NKAIN3: variants seen among roughly 807,000 people sequenced by gnomAD.
NKAIN3 encodes sodium/potassium-transporting ATPase subunit beta-1-interacting protein 3.
Under a neutral mutation model 30.2 loss-of-function variants are expected in NKAIN3, and 25 were observed. The observed-to-expected ratio is 0.83, with a 90% confidence interval of 0.60 to 1.16. The LOEUF (loss-of-function observed/expected upper bound fraction) is 1.16, where lower values mean the gene tolerates loss of function less well. Among genes scored for constraint, NKAIN3 ranks in the 50% most tolerant of loss-of-function variants. NKAIN3 has a pLI of 0.00. For missense variants in NKAIN3, 225 were observed against 254.1 expected, an observed-to-expected ratio of 0.89 and a Z score of 0.78; for synonymous variants, 91 against 89.6, an observed-to-expected ratio of 1.02 and a Z score of -0.09.
chr8:62,375,281 C>T (rs1817038241), intron 1 of NKAIN3, among the ~76,000 whole-genome samples: 1 of 152,150 alleles, frequency 6.6e-6, no homozygotes, highest in South Asian at 2.1e-4. Context: ...ATATAAGGTC[C>T]ATGAATCCTA....
intron 1 of NKAIN3, among the ~76,000 whole-genome samples, chr8:62,572,989 TGGGAGTATA>T (rs1304043065): frequency 6.6e-6 from 1 of 152,186 alleles, no homozygotes; most frequent in Non-Finnish European, 1.5e-5. Context: ...CTTGCGTTAC[TGGGAGTATA>T]GGTAGTTAAT....
At position 62,322,278 on chromosome 8, in the gene NKAIN3, G is replaced by A. The variant is rs189350128; in HGVS notation, c.54+73151G>A. ...ATTCCGTGACCCTTTGTGTTTCCTG[G>A]GTGAGGCAATGCCTTGCCCTGGTTC... On this transcript the variant is annotated intron_variant, in intron 1 of 6. Coordinates refer to ENST00000623646, the MANE Select transcript of NKAIN3 (RefSeq NM_001304533.3). Among the ~76,000 whole-genome samples the A allele has an allele frequency of 2.3e-4, 35 of 152,268 alleles. No individual in the cohort carries two copies. In the East Asian group the frequency reaches 5.2e-3, roughly 23 times the overall value.
intron 4 of NKAIN3, among the ~76,000 whole-genome samples, chr8:62,806,991 CT>C (rs1818313613): frequency 6.6e-6 from 1 of 151,958 alleles, no homozygotes; most frequent in Admixed American, 6.6e-5. Context: ...ACTGATGACC[CT>C]GCCCAAAATC....
At chr8:62,654,029 G>T (rs1467866077) in intron 3 of NKAIN3, among the ~76,000 whole-genome samples, 1 of 151,984 alleles carries the variant, frequency 6.6e-6, no homozygotes, top group African/African-American at 2.4e-5. Context: ...CCTAAACACA[G>T]CATAAATAAA....
At chr8:62,891,110 G>A (rs571838013) in intron 4 of NKAIN3, among the ~76,000 whole-genome samples, 1 of 152,326 alleles carries the variant, frequency 6.6e-6, no homozygotes, top group Admixed American at 6.5e-5. Context: ...GTATGTCTGT[G>A]AGGGTGTTGC....
At chr8:62,862,944 G>A (rs1467664459) in intron 4 of NKAIN3, 4 of 418,038 alleles carry the variant, frequency 9.6e-6, no homozygotes, top group Non-Finnish European at 1.3e-5. Flanking sequence ...AGTTTTCAGT[G>A]TTTTAAGTGT....
At chr8:62,378,797 A>C (rs1563371889) in intron 1 of NKAIN3, among the ~76,000 whole-genome samples, 1 of 152,032 alleles carries the variant, frequency 6.6e-6, no homozygotes, top group African/African-American at 2.4e-5. Flanking sequence ...CTCATGGAGA[A>C]CCTCTGCTAG....
Position 62,252,241 on chromosome 8 carries a change from G to A in NKAIN3, c.54+3114G>A, listed in dbSNP as rs192291461. 1.6e-3 allele frequency among the ~76,000 whole-genome samples: 249 copies of A among 152,122 alleles called. 1 individual carries two copies. Among genetic ancestry groups the A allele is most frequent in the Non-Finnish European group, 7.5e-4 (51 of 67,996 alleles). ...GAGGGTGTTGAAAGGGGATGGCGTT[G>A]GGAGAACACATCTGCTGAAGACAAT... On this transcript the variant is annotated intron_variant, in intron 1 of 6. Coordinates refer to ENST00000623646, the MANE Select transcript of NKAIN3 (RefSeq NM_001304533.3).
intron 4 of NKAIN3, among the ~76,000 whole-genome samples, chr8:62,870,743 C>CTATATATCTATATCTCTA (rs1820614966): frequency 1.8e-5 from 2 of 109,658 alleles, no homozygotes; most frequent in Admixed American, 8.7e-5. Flanking sequence ...CTATATATAT[C>CTATATATCTATATCTCTA]TAGATATCTA....
intron 4 of NKAIN3, chr8:62,863,927 G>C: frequency 3.5e-6 from 4 of 1,139,470 alleles, no homozygotes; most frequent in South Asian, 1.2e-5. Flanking sequence ...GGCTCTGGTG[G>C]TGTGGGGTCT....
intron 1 of NKAIN3, among the ~76,000 whole-genome samples, chr8:62,447,211 T>G (rs977179643): frequency 1.3e-5 from 2 of 152,050 alleles, no homozygotes; most frequent in African/African-American, 4.8e-5. Flanking sequence ...TGTGGCCACC[T>G]TATCCCTTTG....
At chr8:62,435,023 G>C (rs1381686062) in intron 1 of NKAIN3, among the ~76,000 whole-genome samples, 3 of 152,140 alleles carry the variant, frequency 2.0e-5, no homozygotes, top group Non-Finnish European at 4.4e-5. Flanking sequence ...TGGATGGAGG[G>C]ATGGAAGATC....
intron 1 of NKAIN3, among the ~76,000 whole-genome samples, chr8:62,504,094 C>G (rs1585882141): frequency 6.6e-6 from 1 of 152,216 alleles, no homozygotes; most frequent in East Asian, 1.9e-4. Flanking sequence ...CCTGACTTCC[C>G]ACAACAGATT....
intron 1 of NKAIN3, among the ~76,000 whole-genome samples, chr8:62,429,362 G>A (rs1367599877): frequency 6.6e-6 from 1 of 151,782 alleles, no homozygotes; most frequent in East Asian, 1.9e-4. Context: ...TTTATTGAAT[G>A]TTCATATGGT....
intron 1 of NKAIN3, among the ~76,000 whole-genome samples, chr8:62,425,199 C>T (rs1391226008): frequency 6.6e-6 from 1 of 151,744 alleles, no homozygotes; most frequent in Non-Finnish European, 1.5e-5. Flanking sequence ...TTTTAGAGAT[C>T]TATTGTTCAA....
At chr8:62,894,765 A>C (rs1053445954) in intron 4 of NKAIN3, among the ~76,000 whole-genome samples, 2 of 152,166 alleles carry the variant, frequency 1.3e-5, no homozygotes, top group Non-Finnish European at 2.9e-5. Context: ...GGAGGCAGGC[A>C]CACCAAGCTA....
At chr8:62,279,286 G>A (rs1813086653) in intron 1 of NKAIN3, among the ~76,000 whole-genome samples, 1 of 152,140 alleles carries the variant, frequency 6.6e-6, no homozygotes, top group South Asian at 2.1e-4. Flanking sequence ...TTTTTCAGGT[G>A]AGTAGATTGC....
chr8:62,465,963 A>G (rs529444500), intron 1 of NKAIN3, among the ~76,000 whole-genome samples: 1 of 152,204 alleles, frequency 6.6e-6, no homozygotes, highest in East Asian at 1.9e-4. Flanking sequence ...GCAGAGGTTT[A>G]GTGAGCCAAG....
intron 3 of NKAIN3, among the ~76,000 whole-genome samples, chr8:62,618,698 G>T (rs1308204116): frequency 6.6e-6 from 1 of 152,142 alleles, no homozygotes. Flanking sequence ...CTGAGGTCAG[G>T]AGTTCAAGCC....
Sources: gnomAD v4.1 joint callset for allele counts (sites outside exome capture counted in the v4.1 genomes callset) on GRCh38, gnomAD v4.1.1 for gene constraint, MANE v1.5 for transcripts, NCBI Gene and HGNC (gene_info 2026-07-23, HGNC 2026-07-21) for gene names.